ITPR1: variants seen among roughly 807,000 people sequenced by gnomAD.
ITPR1 encodes the protein inositol 1,4,5-trisphosphate receptor type 1, also known as inositol 1,4,5-trisphosphate-gated calcium channel ITPR1.
In ITPR1, 96 loss-of-function variants were observed where a neutral mutation model predicts 318.4. The observed-to-expected ratio is 0.30, with a 90% CI of 0.26 to 0.36. The LOEUF (loss-of-function observed/expected upper bound fraction) is 0.36, where lower values mean the gene tolerates loss of function less well. ITPR1 is among the 10% of genes least tolerant of loss of function. The probability of loss-of-function intolerance (pLI) is 1.00; values close to 1 mark genes in which losing one functional copy is unlikely to be tolerated. For missense variants in ITPR1, 2,440 were observed against 3,460.2 expected, an observed-to-expected ratio of 0.71 and a Z score of 7.40; for synonymous variants, 1,312 against 1,289.9, an observed-to-expected ratio of 1.02 and a Z score of -0.37.
At chr3:4,543,493 C>T (rs145490259) in intron 4 of ITPR1, among the ~76,000 whole-genome samples, 287 of 152,244 alleles carry the variant, frequency 1.9e-3, no homozygotes, top group African/African-American at 6.8e-3. Context: ...ATATACAGTC[C>T]AGGTATCCAC....
chr3:4,781,286 C>T (rs754308779), intron 49 of ITPR1, among the ~76,000 whole-genome samples: 13 of 152,182 alleles, frequency 8.5e-5, no homozygotes, highest in Non-Finnish European at 1.9e-4. Context: ...CCCACTGAAT[C>T]TTCAAAGAAG....
chr3:4,643,674 A>G (rs1183544855), intron 7 of ITPR1, among the ~76,000 whole-genome samples: 2 of 152,136 alleles, frequency 1.3e-5, no homozygotes, highest in African/African-American at 2.4e-5. Flanking sequence ...ATAAGTCTCA[A>G]TGGCTGTATA....
At chr3:4,697,315 G>GGTGTGTGTGTGTGTGTGTGTGTGT in intron 34 of ITPR1, 43 bp downstream of exon 34, 2 of 863,060 alleles carry the variant, frequency 2.3e-6, no homozygotes. Flanking sequence ...GAGAGTGAGA[G>GGTGTGTGTGTGTGTGTGTGTGTGT]GTGTGTGTGT....
chr3:4,617,647 T>C (rs903141797), intron 4 of ITPR1, among the ~76,000 whole-genome samples: 1 of 152,074 alleles, frequency 6.6e-6, no homozygotes, highest in African/African-American at 2.4e-5. Flanking sequence ...TCTGTAGTTG[T>C]GAAAAACTGA....
rs1317113221 is a variant in ITPR1, at chr3:4,725,597, A to G, written c.5172+16A>G. 6.3e-7 allele frequency: 1 copy of G among 1,597,138 alleles called. No individual in the cohort carries two copies. Among genetic ancestry groups the G allele is most frequent in the Non-Finnish European group, 8.5e-7 (1 of 1,177,732 alleles). ...CGCCACTGAGGTGTGTTGCCCGCCT[A>G]TATTTGTAGCGCCAGCGCCAGCAAA... On this transcript the variant is annotated intron_variant, in intron 41 of 61. Coordinates refer to ENST00000649015, the MANE Select transcript of ITPR1 (RefSeq NM_001378452.1).
At chr3:4,726,667 T>A (rs975756907) in intron 41 of ITPR1, among the ~76,000 whole-genome samples, 4 of 152,200 alleles carry the variant, frequency 2.6e-5, no homozygotes, top group Admixed American at 2.6e-4. Flanking sequence ...AAGACTTGTG[T>A]ACTTGTGGGG....
At chr3:4,528,010 A>C (rs146613818) in intron 4 of ITPR1, among the ~76,000 whole-genome samples, 118 of 152,334 alleles carry the variant, frequency 7.7e-4, no homozygotes, top group Non-Finnish European at 1.2e-3. Flanking sequence ...TTGAGTGATA[A>C]GAAACACTTG....
chr3:4,730,276 TGTG>T lies in ITPR1; in HGVS notation c.5221-2811_5221-2809del, dbSNP rs1466783951. Among the ~76,000 whole-genome samples the T allele has an allele frequency of 1.7e-3, 105 of 62,438 alleles. 3 individuals are homozygous for T. In the East Asian group the frequency reaches 0.23, roughly 139 times the overall value. 41.0% of individuals were successfully genotyped at this position (62,438 alleles called of 152,430 possible). A position where few individuals can be genotyped will look rare whatever the true frequency, so the allele number is the denominator to read the frequency against. On this transcript the variant is annotated intron_variant, in intron 42 of 61. Coordinates refer to ENST00000649015, the MANE Select transcript of ITPR1 (RefSeq NM_001378452.1). ...TGGTTTTTCTTCCTTGCAGTTTAAT[TGTG>T]TGTGTGTGTGTATGTGTGTATAGAG...
Position 4,652,507 on chromosome 3 carries a change from A to G in ITPR1, c.951+289A>G, listed in dbSNP as rs188032213. The stretch of plus-strand genomic sequence containing the variant: ...ATTATTTTCCATTTCGCTTTTATAT[A>G]CGACCCTCCCCACGTCTTGTCTACC... On this transcript the variant is annotated intron_variant, in intron 11 of 61. Coordinates refer to ENST00000649015, the MANE Select transcript of ITPR1 (RefSeq NM_001378452.1). 9.2e-5 allele frequency among the ~76,000 whole-genome samples: 14 copies of G among 152,234 alleles called. No individual in the cohort carries two copies. In the East Asian group the frequency reaches 2.1e-3, roughly 23 times the overall value.
At chr3:4,543,615 G>A (rs928111397) in intron 4 of ITPR1, among the ~76,000 whole-genome samples, 3 of 152,144 alleles carry the variant, frequency 2.0e-5, no homozygotes, top group Non-Finnish European at 4.4e-5. Context: ...GCTAATTTTT[G>A]TATTTTTAGT....
At chr3:4,627,207 C>A (rs1005846629) in intron 4 of ITPR1, among the ~76,000 whole-genome samples, 2 of 152,028 alleles carry the variant, frequency 1.3e-5, no homozygotes, top group African/African-American at 2.4e-5. Context: ...TTGTATACAG[C>A]AAGGACTATT....
intron 4 of ITPR1, among the ~76,000 whole-genome samples, chr3:4,585,053 C>T (rs1351901564): frequency 6.6e-6 from 1 of 152,128 alleles, no homozygotes; most frequent in Non-Finnish European, 1.5e-5. Flanking sequence ...TGAGACCCAC[C>T]CTCCGAGGGT....
chr3:4,535,373 A>G (rs1301927684), intron 4 of ITPR1, among the ~76,000 whole-genome samples: 1 of 152,024 alleles, frequency 6.6e-6, no homozygotes, highest in Non-Finnish European at 1.5e-5. Flanking sequence ...GATTCTGATA[A>G]GGACACTTGT....
At chr3:4,838,850 T>G (rs529888600) in intron 61 of ITPR1, among the ~76,000 whole-genome samples, 1 of 152,334 alleles carries the variant, frequency 6.6e-6, no homozygotes, top group South Asian at 2.1e-4. Context: ...AACAAACTAT[T>G]AATGGGCATT....
intron 2 of ITPR1, among the ~76,000 whole-genome samples, chr3:4,510,628 G>A (rs1183863708): frequency 6.6e-6 from 1 of 152,332 alleles, no homozygotes; most frequent in African/African-American, 2.4e-5. Flanking sequence ...GAATACAGTT[G>A]TGTATAAAAC....
chr3:4,775,931 G>T (rs777221958), intron 47 of ITPR1, among the ~76,000 whole-genome samples: 3 of 152,240 alleles, frequency 2.0e-5, no homozygotes, highest in Non-Finnish European at 4.4e-5. Context: ...GGGAAAGAAA[G>T]ATGAGATAGT....
intron 18 of ITPR1, among the ~76,000 whole-genome samples, chr3:4,668,343 C>A (rs1339082051): frequency 1.3e-5 from 2 of 151,452 alleles, no homozygotes; most frequent in East Asian, 2.0e-4. Flanking sequence ...ATTTTTAGAT[C>A]CTACAAATAA....
Position 4,681,425 on chromosome 3 carries a change from A to G in ITPR1, c.3161+7A>G. The stretch of plus-strand genomic sequence containing the variant: ...AAGGCATCTTTGGAGGAAGGAAAGT[A>G]TATTTTCAGTTACTGTTTTGTAGGG... On this transcript the variant is annotated splice_region_variant and intron_variant, in intron 26 of 61. Transcript: ENST00000649015. The G allele has an allele frequency of 1.9e-6, 3 of 1,602,352 alleles. No individual in the cohort carries two copies. Among genetic ancestry groups the G allele is most frequent in the Non-Finnish European group, 2.6e-6 (3 of 1,169,440 alleles).
At chr3:4,505,361 T>G (rs944442319) in intron 2 of ITPR1, among the ~76,000 whole-genome samples, 10 of 152,094 alleles carry the variant, frequency 6.6e-5, no homozygotes, top group Admixed American at 2.0e-4. Flanking sequence ...CCTGGCTAAT[T>G]TTTGTATTCT....
Sources: allele counts gnomAD v4.1 joint callset (sites outside exome capture counted in the v4.1 genomes callset), GRCh38; gene constraint gnomAD v4.1.1; transcripts MANE v1.5; gene names NCBI Gene and HGNC (gene_info 2026-07-23, HGNC 2026-07-21).